The following ZNF69 variants were observed in gnomAD, a reference collection of about 807,000 sequenced individuals.
The protein encoded by ZNF69 is zinc finger protein 69, also known as ZNF3.
A neutral mutation model predicts 50.9 loss-of-function variants in ZNF69; 47 were observed. That is an observed-to-expected ratio of 0.92 (90% confidence interval 0.73 to 1.18). The LOEUF is 1.18. ZNF69 is among the 50% of genes most tolerant of loss of function. ZNF69 has a pLI of 0.00. For missense variants in ZNF69, 717 were observed against 675.1 expected (o/e 1.06, Z -0.69); for synonymous variants, 216 against 223.1 (o/e 0.97, Z 0.29).
the ZNF69 span, among the ~76,000 whole-genome samples, chr19:11,931,908 G>A: frequency 1.4e-5 from 2 of 147,924 alleles, no homozygotes; most frequent in Admixed American, 6.6e-5. Flanking sequence ...CTGAGTTCAG[G>A]AGTTCAAGAT....
chr19:11,936,573 A>G, the ZNF69 span, among the ~76,000 whole-genome samples: 2 of 152,078 alleles, frequency 1.3e-5, no homozygotes, highest in Non-Finnish European at 2.9e-5. Context: ...AGTTCCTTGT[A>G]GATTCTGGAT....
chr19:11,920,900 A>T, the ZNF69 span, among the ~76,000 whole-genome samples: 4 of 152,186 alleles, frequency 2.6e-5, no homozygotes, highest in South Asian at 4.1e-4. Flanking sequence ...AAAGGGACTG[A>T]TTTACCACAC....
chr19:11,917,789 CTTTT>C (rs74965943), downstream of ZNF69, among the ~76,000 whole-genome samples: 1 of 110,726 alleles, frequency 9.0e-6, no homozygotes, highest in Non-Finnish European at 1.8e-5. Flanking sequence ...CCACACCCTG[CTTTT>C]TTTTTTTTTT....
rs773478895 is a variant in ZNF69 at position 11,905,728 on chromosome 19, A to C, written c.1331A>C (p.Tyr444Ser). ...AGGACTCACACTGGAGAGAAGCCCT[A>C]TGAATGTCAGGAATGTGGGAAAGCC... ...HGRTHTGEKPYECQECGKAFR... is the reference protein window; with the variant it reads ...HGRTHTGEKPSECQECGKAFR... Residue 444 changes from tyrosine (Y) to serine (S), a missense_variant, in exon 4 of 4, where the codon TAT becomes TCT. Coordinates refer to ENST00000429654, the MANE Select transcript of ZNF69 (RefSeq NM_001364730.1). 1.9e-6 allele frequency: 3 copies of C among 1,613,846 alleles called. No homozygotes were observed. Among genetic ancestry groups the C allele is most frequent in the Non-Finnish European group, 2.5e-6 (3 of 1,179,968 alleles).
the ZNF69 span, among the ~76,000 whole-genome samples, chr19:11,951,150 CA>C: frequency 1.6e-3 from 102 of 65,072 alleles, no homozygotes; most frequent in South Asian, 2.2e-3. Context: ...ACTCCATCTC[CA>C]AAAAAAAAAA....
chr19:11,979,984 G>C, the ZNF69 span: 1 of 1,182,434 alleles, frequency 8.5e-7, no homozygotes, highest in Non-Finnish European at 1.2e-6. Flanking sequence ...AACCCTATGA[G>C]TGTAAGCAAT....
At chr19:11,960,826 T>C in the ZNF69 span, among the ~76,000 whole-genome samples, 1 of 152,338 alleles carries the variant, frequency 6.6e-6, no homozygotes, top group Non-Finnish European at 1.5e-5. Flanking sequence ...GCTACCTCGA[T>C]GTCCCTTCTT....
At chr19:11,979,535 A>G in the ZNF69 span, 60 of 1,603,578 alleles carry the variant, frequency 3.7e-5, no homozygotes, top group Non-Finnish European at 4.6e-5. Flanking sequence ...CACTGCAGAG[A>G]AACCCTATGA....
intron 1 of ZNF69, among the ~76,000 whole-genome samples, chr19:11,897,025 C>G (rs1050290200): frequency 7.2e-5 from 11 of 152,032 alleles, no homozygotes; most frequent in African/African-American, 2.7e-4. Context: ...CTTCCTGAGA[C>G]TTTTTTGGAC....
chr19:11,905,278 A>G lies in ZNF69; in HGVS notation c.881A>G (p.His294Arg). ...CATAGTCCCAGATGCTATCGTAGAC[A>G]TGAAAGGATTCACACGGGAGAGAAG... ...AFHSPRCYRR[H>R]ERIHTGEKAY... Residue 294 changes from histidine (H) to arginine (R), a missense_variant, in exon 4 of 4, where the codon CAT becomes CGT. By Grantham distance (29) the His-to-Arg change is conservative. Coordinates refer to ENST00000429654, the MANE Select transcript of ZNF69 (RefSeq NM_001364730.1). The G allele has an allele frequency of 1.2e-6, 2 of 1,614,198 alleles. No individual in the cohort carries two copies. Among genetic ancestry groups the G allele is most frequent in the Non-Finnish European group, 8.5e-7 (1 of 1,180,040 alleles).
rs762841269 is a variant in ZNF69, at chr19:11,906,104, A to G, written c.*6A>G. 9 of 1,609,158 alleles carry G rather than the reference A, an allele frequency of 5.6e-6. No homozygotes were observed. The South Asian group carries it at 6.6e-5, about 12-fold the overall frequency. ...CCTATGAGTGTAAGCAATGAGGGAA[A>G]GCCTTCAGATCTGCCTCACACCTTT... On this transcript the variant is annotated 3_prime_UTR_variant, in exon 4 of 4. Coordinates refer to ENST00000429654, the MANE Select transcript of ZNF69 (RefSeq NM_001364730.1).
the ZNF69 span, chr19:11,939,962 T>C: frequency 6.6e-6 from 1 of 152,068 alleles, no homozygotes; most frequent in Non-Finnish European, 1.5e-5. Flanking sequence ...CTTTTTTTTT[T>C]TTTTGAGACA....
the ZNF69 span, among the ~76,000 whole-genome samples, chr19:11,940,349 C>T: frequency 6.6e-6 from 1 of 152,144 alleles, no homozygotes; most frequent in Non-Finnish European, 1.5e-5. Flanking sequence ...TGTTACAGCT[C>T]TTAAGGTGGC....
At chr19:11,919,742 G>C in the ZNF69 span, among the ~76,000 whole-genome samples, 3 of 152,136 alleles carry the variant, frequency 2.0e-5, no homozygotes, top group African/African-American at 7.2e-5. Context: ...CAGCATGTGA[G>C]GACACAGCAA....
At chr19:11,951,166 AAAG>A in the ZNF69 span, among the ~76,000 whole-genome samples, 18 of 147,532 alleles carry the variant, frequency 1.2e-4, no homozygotes, top group South Asian at 1.5e-3. Context: ...AAAAAAAAAA[AAAG>A]AAAGAAATTT....
chr19:11,971,546 A>T, the ZNF69 span, among the ~76,000 whole-genome samples: 4 of 152,140 alleles, frequency 2.6e-5, no homozygotes, highest in African/African-American at 7.2e-5. Flanking sequence ...TCTTAATTTT[A>T]GTGAAAAAAA....
the ZNF69 span, chr19:11,950,271 A>G: frequency 1.3e-6 from 2 of 1,592,654 alleles, no homozygotes; most frequent in Non-Finnish European, 1.7e-6. Context: ...CCTTTTATGG[A>G]CATGAATAGA....
At chr19:11,906,990 G>A (rs1479283649), downstream of ZNF69, among the ~76,000 whole-genome samples, 5 of 152,154 alleles carry the variant, frequency 3.3e-5, no homozygotes, top group African/African-American at 7.2e-5. Context: ...TAAATGACCC[G>A]ATGGAGCTGA....
At chr19:11,934,955 T>C in the ZNF69 span, among the ~76,000 whole-genome samples, 9 of 146,828 alleles carry the variant, frequency 6.1e-5, no homozygotes, top group East Asian at 6.1e-4. Flanking sequence ...CCAAGGCGGG[T>C]GGATCAGGAG....
Sources: gnomAD v4.1 joint callset for allele counts (sites outside exome capture counted in the v4.1 genomes callset) on GRCh38, gnomAD v4.1.1 for gene constraint, MANE v1.5 for transcripts, NCBI Gene and HGNC (gene_info 2026-07-23, HGNC 2026-07-21) for gene names.